The following NCKAP5 variants were observed in gnomAD, a reference collection of about 807,000 sequenced individuals.
NCKAP5 encodes the protein nck-associated protein 5.
Under a neutral mutation model 167.0 loss-of-function variants are expected in NCKAP5, and 92 were observed. The ratio of observed to expected loss-of-function variants is 0.55; its 90% CI spans 0.47 to 0.66. The LOEUF is 0.66. NCKAP5 is among the 30% of genes least tolerant of loss of function. NCKAP5 has a pLI of 0.00. For synonymous variants in NCKAP5, 891 were observed against 877.4 expected (o/e 1.02, Z -0.27); for missense variants, 2,378 against 2,315.0 (o/e 1.03, Z -0.56).
At chr2:133,275,180 G>A (rs2089674754) in intron 4 of NCKAP5, among the ~76,000 whole-genome samples, 1 of 151,996 alleles carries the variant, frequency 6.6e-6, no homozygotes, top group Admixed American at 6.6e-5. Context: ...CAGTACTGGG[G>A]AAATGCAAAT....
intron 16 of NCKAP5, among the ~76,000 whole-genome samples, chr2:132,738,194 T>C (rs747649855): frequency 1.3e-5 from 2 of 152,184 alleles, no homozygotes; most frequent in Non-Finnish European, 2.9e-5. Context: ...GCCACAGAGA[T>C]AAGATCATTC....
intron 2 of NCKAP5, among the ~76,000 whole-genome samples, chr2:133,556,415 T>C (rs1687741371): frequency 6.6e-6 from 1 of 152,236 alleles, no homozygotes; most frequent in Non-Finnish European, 1.5e-5. Flanking sequence ...ATCATTCATT[T>C]GGAACTTAAT....
chr2:132,858,863 C>T (rs1283396586), intron 11 of NCKAP5, among the ~76,000 whole-genome samples: 1 of 152,070 alleles, frequency 6.6e-6, no homozygotes, highest in African/African-American at 2.4e-5. Flanking sequence ...CGTGTGTTTA[C>T]CATGCAAATA....
At position 132,672,866 on chromosome 2, in the gene NCKAP5, G is replaced by T. The variant is rs1683917252; in HGVS notation, c.*423C>A. ...AGTCTATCTTTATTGCCCTGTCAGA[G>T]AAATAAGCTCTGGTGGGTTGCCTGC... On this transcript the variant is annotated 3_prime_UTR_variant, in exon 20 of 20. Transcript: ENST00000409261. The T allele has an allele frequency of 3.1e-6, 2 of 649,946 alleles. No individual in the cohort carries two copies. Among genetic ancestry groups the T allele is most frequent in the Non-Finnish European group, 3.8e-6 (2 of 522,900 alleles). The allele number at this position is 649,946 out of a possible 1,614,324, so 40.3% of individuals were successfully genotyped here.
intron 4 of NCKAP5, among the ~76,000 whole-genome samples, chr2:133,292,772 T>C (rs1679690734): frequency 1.3e-5 from 2 of 152,216 alleles, no homozygotes; most frequent in African/African-American, 4.8e-5. Context: ...TCCAAGCTTC[T>C]TGCGGTGGCA....
chr2:133,527,366 T>G (rs1685008036), intron 2 of NCKAP5, among the ~76,000 whole-genome samples: 1 of 152,150 alleles, frequency 6.6e-6, no homozygotes, highest in African/African-American at 2.4e-5. Context: ...GTACAATAAA[T>G]TGGAAGCCAG....
chr2:133,519,273 G>T (rs893113183), intron 2 of NCKAP5, among the ~76,000 whole-genome samples: 11 of 152,078 alleles, frequency 7.2e-5, no homozygotes, highest in Non-Finnish European at 1.2e-4. Context: ...ATACATCACT[G>T]GTCCACTCAG....
intron 19 of NCKAP5, among the ~76,000 whole-genome samples, chr2:132,695,593 G>C (rs1383756099): frequency 6.6e-6 from 1 of 152,214 alleles, no homozygotes; most frequent in African/African-American, 2.4e-5. Flanking sequence ...AAATGTGCCA[G>C]TCTTAATTCT....
intron 4 of NCKAP5, among the ~76,000 whole-genome samples, chr2:133,291,677 A>G (rs1679612413): frequency 6.6e-6 from 1 of 152,206 alleles, no homozygotes; most frequent in Admixed American, 6.5e-5. Context: ...TAAGCCAGGT[A>G]CCCCTGAGGC....
At chr2:133,669,103 T>G in the NCKAP5 span, among the ~76,000 whole-genome samples, 2 of 152,198 alleles carry the variant, frequency 1.3e-5, no homozygotes, top group Non-Finnish European at 2.9e-5. Flanking sequence ...TATTTGGTAA[T>G]AGTAGTGACC....
upstream of NCKAP5, among the ~76,000 whole-genome samples, chr2:133,568,949 C>G (rs1425072286): frequency 1.3e-5 from 2 of 152,152 alleles, no homozygotes; most frequent in African/African-American, 2.4e-5. Flanking sequence ...ATTCTAGTGT[C>G]TCAGCTTGGA....
At chr2:133,465,764 G>C (rs1375668245) in intron 3 of NCKAP5, among the ~76,000 whole-genome samples, 2 of 151,952 alleles carry the variant, frequency 1.3e-5, no homozygotes, top group African/African-American at 4.8e-5. Context: ...GGCCAGTGAT[G>C]ATGAGCATTT....
At chr2:133,554,701 G>A (rs903419383) in intron 2 of NCKAP5, among the ~76,000 whole-genome samples, 3 of 152,150 alleles carry the variant, frequency 2.0e-5, no homozygotes, top group African/African-American at 4.8e-5. Context: ...TGACCCTACC[G>A]ATACAATGGG....
chr2:133,181,764 T>C (rs1364771529), intron 5 of NCKAP5, among the ~76,000 whole-genome samples: 1 of 152,040 alleles, frequency 6.6e-6, no homozygotes, highest in African/African-American at 2.4e-5. Flanking sequence ...AGTGTCAAAG[T>C]GAGACTCTGT....
At chr2:133,096,288 C>T (rs1419088490) in intron 6 of NCKAP5, among the ~76,000 whole-genome samples, 4 of 151,988 alleles carry the variant, frequency 2.6e-5, no homozygotes, top group African/African-American at 4.8e-5. Flanking sequence ...ACCAGGAGTT[C>T]GAGACCAGCC....
intron 4 of NCKAP5, among the ~76,000 whole-genome samples, chr2:133,218,526 C>A (rs991700512): frequency 6.6e-6 from 1 of 152,176 alleles, no homozygotes; most frequent in East Asian, 1.9e-4. Flanking sequence ...TGGAGATACC[C>A]AGGGTCCCAG....
chr2:133,597,474 C>A, the NCKAP5 span, among the ~76,000 whole-genome samples: 13 of 152,074 alleles, frequency 8.5e-5, no homozygotes, highest in South Asian at 1.2e-3. Context: ...CCGAGACCAT[C>A]CTGGCTAACA....
intron 3 of NCKAP5, among the ~76,000 whole-genome samples, chr2:133,427,853 CAGAAA>C (rs1220330071): frequency 3.3e-5 from 5 of 151,652 alleles, no homozygotes; most frequent in African/African-American, 9.7e-5. Context: ...TATATAGTAA[CAGAAA>C]AGAAAATTAA....
At chr2:132,745,426 TAGAAG>T (rs907447703) in intron 16 of NCKAP5, among the ~76,000 whole-genome samples, 7 of 150,238 alleles carry the variant, frequency 4.7e-5, no homozygotes, top group African/African-American at 1.5e-4. Context: ...AAACTAGGAA[TAGAAG>T]AGAACTTTCT....
Sources: allele counts gnomAD v4.1 joint callset (sites outside exome capture counted in the v4.1 genomes callset), GRCh38; gene constraint gnomAD v4.1.1; transcripts MANE v1.5; gene names NCBI Gene and HGNC (gene_info 2026-07-23, HGNC 2026-07-21).